Variants in CDH17 observed in about 807,000 individuals in gnomAD.
CDH17 encodes cadherin 17, also known as cadherin-17.
Under a neutral mutation model 86.3 loss-of-function variants are expected in CDH17, and 67 were observed. That is an observed-to-expected ratio of 0.78 (90% CI 0.64 to 0.95). The LOEUF (loss-of-function observed/expected upper bound fraction) is 0.95. Ranked by LOEUF, CDH17 falls within the 40% of genes least tolerant of loss-of-function variation. The pLI is 0.00. For synonymous variants in CDH17, 367 were observed against 366.4 expected (o/e 1.00, Z -0.02); for missense variants, 993 against 1,017.6 (o/e 0.98, Z 0.33).
At position 94,165,966 on chromosome 8, in the gene CDH17, G is replaced by A. The variant is rs148696576; in HGVS notation, c.1077C>T (p.Ile359=). 59 of 1,608,026 alleles carry A rather than the reference G, an allele frequency of 3.7e-5. No individual in the cohort carries two copies. The highest frequency in any genetic ancestry group is 2.9e-4 in the African/African-American group (22 of 74,872). Residue 359 remains isoleucine (I), a synonymous_variant, in exon 10 of 18, where the codon ATC becomes ATT. Transcript: ENST00000027335. Reference sequence around the variant, plus strand: ...CCCTGTCATGTGCAGTAAGGGTCCCGATACTGTTACCTATGAGGAAGGAAA... The same window carrying A: ...CCCTGTCATGTGCAGTAAGGGTCCCAATACTGTTACCTATGAGGAAGGAAA... The part of the protein sequence containing the change: ...VQENERLGNS[I]GTLTAHDRDE...
Position 94,131,005 on chromosome 8 carries a change from G to T in CDH17, c.2168-13C>A. The stretch of plus-strand genomic sequence containing the variant: ...CGGGCATGAGTACCTGCCAGGACAG[G>T]AAAAAAAAATGAAAATACAACTTCA... On this transcript the variant is annotated splice_polypyrimidine_tract_variant and intron_variant, in intron 15 of 17. Transcript: ENST00000027335. The T allele has an allele frequency of 7.5e-7, 1 of 1,333,196 alleles. No individual in the cohort carries two copies. Among genetic ancestry groups the T allele is most frequent in the Non-Finnish European group, 1.1e-6 (1 of 940,610 alleles). 82.6% of individuals were successfully genotyped at this position (1,333,196 alleles called of 1,614,324 possible). A position where few individuals can be genotyped will look rare whatever the true frequency, so the allele number is the denominator to read the frequency against.
In CDH17 at chr8:94,168,143, T is replaced by TATATAC. The variant is rs1554587694; in HGVS notation, c.1067-2168_1067-2167insGTATAT. Reference sequence around the variant, plus strand: ...ATATATATATATATATATATATATATATATATATATATATTTGTGTGTGTG... The same window carrying TATATAC: ...ATATATATATATATATATATATATATATATACATATATATATATATTTGTGTGTGTG... On this transcript the variant is annotated intron_variant, in intron 9 of 17. Transcript: ENST00000027335. Among the ~76,000 whole-genome samples the TATATAC allele has an allele frequency of 3.4e-4, 35 of 101,568 alleles. 2 individuals are homozygous for TATATAC. The highest frequency in any genetic ancestry group is 1.8e-3 in the African/African-American group (30 of 17,096). 66.6% of individuals were successfully genotyped at this position (101,568 alleles called of 152,430 possible).
At chr8:94,208,677 TA>T (rs1284314028), upstream of CDH17, 3 of 152,074 alleles carry the variant, frequency 2.0e-5, no homozygotes, top group Non-Finnish European at 4.4e-5. Flanking sequence ...CTGGGTATCA[TA>T]AAAAGTGTCA....
intron 6 of CDH17, 50 bp downstream of exon 6, chr8:94,174,052 A>G: frequency 6.2e-7 from 1 of 1,609,436 alleles, no homozygotes; most frequent in Non-Finnish European, 8.5e-7. Context: ...GACAGACCAA[A>G]CTCCCTTTTT....
chr8:94,131,402 G>T (rs1048157363), intron 15 of CDH17, among the ~76,000 whole-genome samples: 3 of 152,164 alleles, frequency 2.0e-5, no homozygotes, highest in Non-Finnish European at 4.4e-5. Context: ...GCTGTTCAAA[G>T]ATATCTTATT....
At chr8:94,180,691 C>T (rs142531101) in intron 3 of CDH17, among the ~76,000 whole-genome samples, 296 of 152,106 alleles carry the variant, frequency 1.9e-3, no homozygotes, top group African/African-American at 6.8e-3. Flanking sequence ...ATTAGGAGAT[C>T]GAGACCTTCC....
intron 10 of CDH17, among the ~76,000 whole-genome samples, chr8:94,164,202 A>C (rs1035341790): frequency 6.6e-6 from 1 of 152,082 alleles, no homozygotes; most frequent in Admixed American, 6.5e-5. Context: ...AACTTGTCAT[A>C]TTCATCCTTC....
chr8:94,147,211 C>T (rs950478063), intron 14 of CDH17, among the ~76,000 whole-genome samples: 1 of 152,140 alleles, frequency 6.6e-6, no homozygotes, highest in African/African-American at 2.4e-5. Flanking sequence ...AACCTGCCTG[C>T]TGCTTCACTG....
At chr8:94,152,639 C>A (rs1812877919) in intron 12 of CDH17, among the ~76,000 whole-genome samples, 1 of 152,178 alleles carries the variant, frequency 6.6e-6, no homozygotes, top group African/African-American at 2.4e-5. Context: ...CTCAAGTGAT[C>A]TGCCCACCTT....
At chr8:94,173,232 C>A (rs545885529) in intron 7 of CDH17, among the ~76,000 whole-genome samples, 1 of 152,080 alleles carries the variant, frequency 6.6e-6, no homozygotes, top group African/African-American at 2.4e-5. Context: ...CATGTTGAAA[C>A]GTAATCCTCA....
intron 15 of CDH17, among the ~76,000 whole-genome samples, chr8:94,141,205 A>T (rs1279422249): frequency 6.6e-6 from 1 of 152,126 alleles, no homozygotes; most frequent in Non-Finnish European, 1.5e-5. Flanking sequence ...AAAAAATCAA[A>T]TCAGCCACAT....
chr8:94,140,259 C>G (rs1157698272), intron 15 of CDH17, among the ~76,000 whole-genome samples: 3 of 151,860 alleles, frequency 2.0e-5, no homozygotes. Flanking sequence ...CCCATCTCTA[C>G]AAAAAATTTA....
At chr8:94,132,346 C>T (rs1008233612) in intron 15 of CDH17, among the ~76,000 whole-genome samples, 1 of 152,146 alleles carries the variant, frequency 6.6e-6, no homozygotes, top group African/African-American at 2.4e-5. Flanking sequence ...ACTGTTGTTT[C>T]CTGACTTTTT....
Position 94,194,717 on chromosome 8 carries a change from C to A in CDH17, c.-20-12G>T, listed in dbSNP as rs181105626. The stretch of plus-strand genomic sequence containing the variant: ...CTTTATTCAAATTCCTGTGAAGGAA[C>A]CAGATAAAAAAATGGTTAGTTACCA... On this transcript the variant is annotated splice_polypyrimidine_tract_variant and intron_variant, in intron 1 of 17. Coordinates refer to ENST00000027335, the MANE Select transcript of CDH17 (RefSeq NM_004063.4). The A allele has an allele frequency of 5.8e-4, 859 of 1,482,968 alleles. 4 individuals are homozygous for A. In the African/African-American group the frequency reaches 9.1e-3, roughly 16 times the overall value. 91.9% of individuals were successfully genotyped at this position (1,482,968 alleles called of 1,614,324 possible). A position where few individuals can be genotyped will look rare whatever the true frequency, so the allele number is the denominator to read the frequency against.
In CDH17 at chr8:94,161,667, A is replaced by T. The variant is rs180832509; in HGVS notation, c.1359+419T>A. 5.5e-3 allele frequency among the ~76,000 whole-genome samples: 840 copies of T among 152,278 alleles called. 14 individuals carry two copies. The highest frequency in any genetic ancestry group is 0.02 in the African/African-American group (816 of 41,546). ...TCTTCTCCCTTTCTCTTACCCAATTATTACAAATTAAATCGCCAATATTCC... is the reference window on the plus strand; with the variant it reads ...TCTTCTCCCTTTCTCTTACCCAATTTTTACAAATTAAATCGCCAATATTCC... On this transcript the variant is annotated intron_variant, in intron 11 of 17. Transcript: ENST00000027335.
chr8:94,149,673 G>A (rs894693355), intron 13 of CDH17, among the ~76,000 whole-genome samples: 2 of 152,174 alleles, frequency 1.3e-5, no homozygotes, highest in Non-Finnish European at 2.9e-5. Flanking sequence ...GTATACTTGG[G>A]AAGCAGAAGG....
chr8:94,190,523 G>A (rs1179774021), intron 2 of CDH17, among the ~76,000 whole-genome samples: 3 of 152,190 alleles, frequency 2.0e-5, no homozygotes, highest in Non-Finnish European at 2.9e-5. Flanking sequence ...TCATCCCCAC[G>A]CTGGCCTTCT....
chr8:94,185,779 T>C (rs545027850), intron 3 of CDH17, among the ~76,000 whole-genome samples: 1 of 152,224 alleles, frequency 6.6e-6, no homozygotes, highest in African/African-American at 2.4e-5. Context: ...AGGAAAATTA[T>C]AAAATCTAGT....
At chr8:94,158,211 C>G (rs1308827628) in intron 12 of CDH17, among the ~76,000 whole-genome samples, 2 of 152,158 alleles carry the variant, frequency 1.3e-5, no homozygotes, top group East Asian at 3.9e-4. Flanking sequence ...TTTATTGAAC[C>G]TCTAATATAT....
Sources: allele counts gnomAD v4.1 joint callset (sites outside exome capture counted in the v4.1 genomes callset), GRCh38; gene constraint gnomAD v4.1.1; transcripts MANE v1.5; gene names NCBI Gene and HGNC (gene_info 2026-07-23, HGNC 2026-07-21).